The following TRDMT1 variants were observed in gnomAD, a reference collection of about 807,000 sequenced individuals.
TRDMT1 encodes tRNA (cytosine(38)-C(5))-methyltransferase.
A neutral mutation model predicts 51.2 loss-of-function variants in TRDMT1; 49 were observed. The observed-to-expected ratio is 0.96, with a 90% CI of 0.76 to 1.21. The LOEUF (loss-of-function observed/expected upper bound fraction) is 1.21, where lower values mean the gene tolerates loss of function less well. Ranked by LOEUF, TRDMT1 falls within the 50% of genes most tolerant of loss-of-function variation. TRDMT1 has a pLI of 0.00. For synonymous variants in TRDMT1, 187 were observed against 164.6 expected (o/e 1.14, Z -1.04); for missense variants, 534 against 462.3 (o/e 1.16, Z -1.42).
At chr10:17,191,514 T>G (rs1844675856) in intron 1 of TRDMT1, among the ~76,000 whole-genome samples, 1 of 152,108 alleles carries the variant, frequency 6.6e-6, no homozygotes, top group South Asian at 2.1e-4. Context: ...GGGAGTGCAT[T>G]AGCACGTCGG....
chr10:17,157,083 T>C (rs1839617655), intron 8 of TRDMT1, among the ~76,000 whole-genome samples: 1 of 152,208 alleles, frequency 6.6e-6, no homozygotes, highest in African/African-American at 2.4e-5. Context: ...TTATTATACA[T>C]TGATCATAAG....
intron 1 of TRDMT1, among the ~76,000 whole-genome samples, chr10:17,180,397 T>C (rs756861977): frequency 6.6e-6 from 1 of 151,840 alleles, no homozygotes; most frequent in Non-Finnish European, 1.5e-5. Context: ...AAAAATCAGC[T>C]AGGCATGGTG....
At position 17,146,675 on chromosome 10, in the gene TRDMT1, A is replaced by G. The variant is rs1187431295; in HGVS notation, c.*2365T>C. ...AGGTATGGTGAAGACTGAATTACAC[A>G]TAGTTCTCCTGAAAATGAGAAGCTA... On this transcript the variant is annotated 3_prime_UTR_variant, in exon 11 of 11. Coordinates refer to ENST00000377799, the MANE Select transcript of TRDMT1 (RefSeq NM_004412.7). The G allele has an allele frequency of 5.2e-5, 51 of 985,274 alleles. No individual in the cohort carries two copies. Among genetic ancestry groups the G allele is most frequent in the South Asian group, 1.9e-4 (4 of 21,292 alleles). The allele number at this position is 985,274 out of a possible 1,614,324, so 61.0% of individuals were successfully genotyped here.
In TRDMT1 at chr10:17,140,371, TGACA is replaced by T. The variant is rs1837578059; in HGVS notation, c.*8665_*8668del. On this transcript the variant is annotated 3_prime_UTR_variant, in exon 11 of 11. Coordinates refer to ENST00000377799, the MANE Select transcript of TRDMT1 (RefSeq NM_004412.7). ...GCCCAGCACTTCTTTTCTTTTTGGC[TGACA>T]GAATTATTCAAACAATCCCCCAAGC... is the stretch of plus-strand genomic sequence containing the variant. Among the ~76,000 whole-genome samples the T allele has an allele frequency of 6.6e-6, 1 of 151,996 alleles. No homozygotes were observed. The highest frequency in any genetic ancestry group is 1.5e-5 in the Non-Finnish European group (1 of 67,994).
chr10:17,201,330 C>T (rs755909136), intron 1 of TRDMT1: 59 of 500,996 alleles, frequency 1.2e-4, no homozygotes, highest in Non-Finnish European at 2.0e-4. Flanking sequence ...CAACTGGGCC[C>T]TTTGAGGCGC....
rs1302249427 is a variant in TRDMT1, at chr10:17,201,581, G to C, written c.54C>G (p.His18Gln). The C allele has an allele frequency of 3.9e-6, 6 of 1,549,488 alleles. No individual in the cohort carries two copies. The highest frequency in any genetic ancestry group is 5.2e-6 in the Non-Finnish European group (6 of 1,146,200). ...TAGATGGACTCTCACCTCTCAGCGC[G>C]TGGTGCATGCCGCCCACGCCGCTGT... ...ELYSGVGGMHHALRESCIPAQ... is the reference protein window; with the variant it reads ...ELYSGVGGMHQALRESCIPAQ... The change falls in exon 1 of 11, where the codon CAC becomes CAG. Residue 18 changes from histidine (H) to glutamine (Q), a missense_variant. By Grantham distance (24) the His-to-Gln change is conservative. Transcript: ENST00000377799.
At chr10:17,162,765 C>A (rs1389709793) in intron 3 of TRDMT1, among the ~76,000 whole-genome samples, 1 of 152,112 alleles carries the variant, frequency 6.6e-6, no homozygotes, top group African/African-American at 2.4e-5. Flanking sequence ...ATCACTTGAA[C>A]CTGGAAGGCA....
intron 1 of TRDMT1, among the ~76,000 whole-genome samples, chr10:17,199,265 G>A (rs1351640160): frequency 6.6e-6 from 1 of 152,082 alleles, no homozygotes; most frequent in Non-Finnish European, 1.5e-5. Flanking sequence ...GATTTCCACC[G>A]AAAAGATGAG....
In TRDMT1 at chr10:17,146,281, T is replaced by C. The variant is rs1183672030; in HGVS notation, c.*2759A>G. On this transcript the variant is annotated 3_prime_UTR_variant, in exon 11 of 11. Coordinates refer to ENST00000377799, the MANE Select transcript of TRDMT1 (RefSeq NM_004412.7). ...TGAGGAAGAATAAGTTGGCTGAAGG[T>C]TGGAGGTATTTTCTCATCTTTCCAG... 9.1e-6 allele frequency: 9 copies of C among 985,416 alleles called. No homozygotes were observed. The South Asian group carries it at 2.3e-4, about 26-fold the overall frequency. The allele number at this position is 985,416 out of a possible 1,614,324, so 61.0% of individuals were successfully genotyped here.
At position 17,169,241 on chromosome 10, in the gene TRDMT1, G is replaced by A. The variant is rs559021528; in HGVS notation, c.175-324C>T. ...ACACTGCTGTTTTCTAGAGTAAAAC[G>A]TGGAGAACCTTATTTTATAATTGAT... On this transcript the variant is annotated intron_variant, in intron 2 of 10. Coordinates refer to ENST00000377799, the MANE Select transcript of TRDMT1 (RefSeq NM_004412.7). The A allele has an allele frequency of 1.5e-5, 13 of 861,042 alleles. 1 individual carries two copies. The highest frequency in any genetic ancestry group is 1.1e-4 in the African/African-American group (6 of 56,328). 53.3% of individuals were successfully genotyped at this position (861,042 alleles called of 1,614,324 possible). A position where few individuals can be genotyped will look rare whatever the true frequency, so the allele number is the denominator to read the frequency against.
rs186377072 is a variant in TRDMT1 at position 17,142,232 on chromosome 10, A to T, written c.*6808T>A. ...GGTATGACAGGCTATTTTACATCGT[A>T]TCCTGAACCTTTTGTCTATTATTTT... is the stretch of plus-strand genomic sequence containing the variant. On this transcript the variant is annotated 3_prime_UTR_variant, in exon 11 of 11. Transcript: ENST00000377799. 1 of 152,190 alleles carries T rather than the reference A, an allele frequency of 6.6e-6. No homozygotes were observed. The highest frequency in any genetic ancestry group is 6.5e-5 in the Admixed American group (1 of 15,282). 9.4% of individuals were successfully genotyped at this position (152,190 alleles called of 1,614,324 possible).
At chr10:17,161,441 T>A in intron 5 of TRDMT1, 42 bp downstream of exon 5, 1 of 1,304,654 alleles carries the variant, frequency 7.7e-7, no homozygotes, top group Non-Finnish European at 1.0e-6. Flanking sequence ...CTATAAGATA[T>A]ACCAAGTCTA....
In TRDMT1 at chr10:17,148,347, T is replaced by TA; in HGVS notation, c.*692dup. The TA allele has an allele frequency of 1.0e-6, 1 of 985,342 alleles. No homozygotes were observed. Among genetic ancestry groups the TA allele is most frequent in the Non-Finnish European group, 1.2e-6 (1 of 829,914 alleles). 61.0% of individuals were successfully genotyped at this position (985,342 alleles called of 1,614,324 possible). A position where few individuals can be genotyped will look rare whatever the true frequency, so the allele number is the denominator to read the frequency against. Reference sequence around the variant, plus strand: ...AGAAGACAAAAACAAGCTTTGATAATAGTCAACTAAAGGAAAGTACATACA... The same window carrying TA: ...AGAAGACAAAAACAAGCTTTGATAATAAGTCAACTAAAGGAAAGTACATACA... On this transcript the variant is annotated 3_prime_UTR_variant, in exon 11 of 11. Coordinates refer to ENST00000377799, the MANE Select transcript of TRDMT1 (RefSeq NM_004412.7).
At position 17,141,537 on chromosome 10, in the gene TRDMT1, T is replaced by TC. The variant is rs1554823499; in HGVS notation, c.*7502dup. Among the ~76,000 whole-genome samples the TC allele has an allele frequency of 6.6e-6, 1 of 152,048 alleles. No individual in the cohort carries two copies. The highest frequency in any genetic ancestry group is 6.6e-5 in the Admixed American group (1 of 15,264). On this transcript the variant is annotated 3_prime_UTR_variant, in exon 11 of 11. Coordinates refer to ENST00000377799, the MANE Select transcript of TRDMT1 (RefSeq NM_004412.7). Reference sequence around the variant, plus strand: ...AAATGCTCTTTCAGCTCCATTTTTTTCCCCTCTACTTCTGGCACCCCAAAC... The same window carrying TC: ...AAATGCTCTTTCAGCTCCATTTTTTTCCCCCTCTACTTCTGGCACCCCAAAC...
chr10:17,169,568 G>C, intron 2 of TRDMT1: 1 of 1,278,454 alleles, frequency 7.8e-7, no homozygotes, highest in Non-Finnish European at 1.0e-6. Flanking sequence ...ACACAGGGAA[G>C]CACACGTCAG....
chr10:17,143,641 A>G lies in TRDMT1; in HGVS notation c.*5399T>C. 1 of 985,460 alleles carries G rather than the reference A, an allele frequency of 1.0e-6. No homozygotes were observed. Among genetic ancestry groups the G allele is most frequent in the Non-Finnish European group, 1.2e-6 (1 of 829,936 alleles). 61.0% of individuals were successfully genotyped at this position (985,460 alleles called of 1,614,324 possible). A position where few individuals can be genotyped will look rare whatever the true frequency, so the allele number is the denominator to read the frequency against. ...GTTGACATGTTTAACCAAGCACACA[A>G]ATATGATTGCAAATATATGTGTGGG... On this transcript the variant is annotated 3_prime_UTR_variant, in exon 11 of 11. Coordinates refer to ENST00000377799, the MANE Select transcript of TRDMT1 (RefSeq NM_004412.7).
chr10:17,192,955 T>C (rs1844894885), intron 1 of TRDMT1, among the ~76,000 whole-genome samples: 1 of 152,110 alleles, frequency 6.6e-6, no homozygotes, highest in Non-Finnish European at 1.5e-5. Flanking sequence ...TCATACTGAG[T>C]GGGCAAATGA....
At position 17,157,652 on chromosome 10, in the gene TRDMT1, C is replaced by A. The variant is rs752813478; in HGVS notation, c.676G>T (p.Asp226Tyr). Residue 226 changes from aspartate to tyrosine, a missense_variant, in exon 8 of 11, where the codon GAT (aspartate) becomes TAT (tyrosine). Physicochemically the swap from Asp to Tyr is radical, Grantham distance 160 (BLOSUM62 -3). Transcript: ENST00000377799. ...GTTTCAAGCTTAAAAAGAATGGCATCTTTTCCAGAACACTGTATGCTGCCA... is the reference window on the plus strand; with the variant it reads ...GTTTCAAGCTTAAAAAGAATGGCATATTTTCCAGAACACTGTATGCTGCCA... Reference protein sequence around the residue: ...FDGSIQCSGKDAILFKLETAE... With the variant: ...FDGSIQCSGKYAILFKLETAE... 2 of 1,613,490 alleles carry A rather than the reference C, an allele frequency of 1.2e-6. No homozygotes were observed. The highest frequency in any genetic ancestry group is 2.2e-5 in the East Asian group (1 of 44,846).
intron 2 of TRDMT1, among the ~76,000 whole-genome samples, chr10:17,171,211 C>T (rs1841952639): frequency 6.6e-6 from 1 of 151,840 alleles, no homozygotes; most frequent in Non-Finnish European, 1.5e-5. Context: ...GTCCCAGAGC[C>T]TTCATTCCGA....
Sources: allele counts gnomAD v4.1 joint callset (sites outside exome capture counted in the v4.1 genomes callset), GRCh38; gene constraint gnomAD v4.1.1; transcripts MANE v1.5; gene names NCBI Gene and HGNC (gene_info 2026-07-23, HGNC 2026-07-21).